The following RCAN2 variants were observed in gnomAD, a reference collection of about 807,000 sequenced individuals.
RCAN2 encodes calcipressin-2.
Under a neutral mutation model 23.6 loss-of-function variants are expected in RCAN2, and 9 were observed. The observed-to-expected ratio is 0.38, with a 90% CI of 0.23 to 0.67. The LOEUF is 0.67. Among genes scored for constraint, RCAN2 ranks in the 30% least tolerant of loss-of-function variants. The probability of loss-of-function intolerance (pLI) is 0.51; values close to 1 mark genes in which losing one functional copy is unlikely to be tolerated. For missense variants in RCAN2, 273 were observed against 302.3 expected (o/e 0.90, Z 0.72); for synonymous variants, 109 against 115.7 (o/e 0.94, Z 0.37).
chr6:46,454,055 A>G lies in RCAN2; in HGVS notation c.225+2697T>C, dbSNP rs559806877. ...CATGGCCAGCCTTGCCCATAGGCCA[A>G]TACAAGGAGTGCTGGAAATGCTTTT... On this transcript the variant is annotated intron_variant, in intron 2 of 4. Coordinates refer to ENST00000371374, the MANE Select transcript of RCAN2 (RefSeq NM_001251974.2). Among the ~76,000 whole-genome samples the G allele has an allele frequency of 7.0e-4, 106 of 152,312 alleles. 1 individual carries two copies. The highest frequency in any genetic ancestry group is 2.0e-3 in the African/African-American group (84 of 41,574).
chr6:46,246,889 GT>G lies in RCAN2; in HGVS notation c.429del (p.Lys143AsnfsTer46). The G allele has an allele frequency of 6.3e-7, 1 of 1,597,272 alleles. No homozygotes were observed. Among genetic ancestry groups the G allele is most frequent in the Non-Finnish European group, 8.5e-7 (1 of 1,170,262 alleles). On this transcript the variant is annotated frameshift_variant, in exon 4 of 5. Coordinates refer to ENST00000371374, the MANE Select transcript of RCAN2 (RefSeq NM_001251974.2). LOFTEE classifies it high-confidence loss of function. ...GCAGGCTGGGGTGGAGCCAAGTGCA[GT>G]TTGTCTCCATCTGTCTCTGGAGTCT... ...QVQTPETDGD[K>X]LHLAPPQPAK...
chr6:46,349,833 A>G (rs1248152880), intron 2 of RCAN2, among the ~76,000 whole-genome samples: 1 of 152,188 alleles, frequency 6.6e-6, no homozygotes, highest in African/African-American at 2.4e-5. Flanking sequence ...AATACAGTCT[A>G]ATTCCACACA....
At chr6:46,471,284 GA>G (rs1768552689) in intron 1 of RCAN2, among the ~76,000 whole-genome samples, 1 of 152,186 alleles carries the variant, frequency 6.6e-6, no homozygotes, top group Non-Finnish European at 1.5e-5. Flanking sequence ...GTTATCTGGA[GA>G]ATAGAGCAAT....
intron 1 of RCAN2, among the ~76,000 whole-genome samples, chr6:46,472,170 T>C (rs12191660): frequency 0.51 from 77,410 of 152,074 alleles, 21,547 homozygotes; most frequent in Non-Finnish European, 0.63. Context: ...TCCTGTACTT[T>C]ACATCAAGTA....
chr6:46,331,425 C>A (rs6923732), intron 2 of RCAN2, among the ~76,000 whole-genome samples: 5,148 of 152,170 alleles, frequency 0.034, 268 homozygotes, highest in African/African-American at 0.11. Flanking sequence ...TGATGGTTAA[C>A]CATATTAAAC....
intron 2 of RCAN2, among the ~76,000 whole-genome samples, chr6:46,351,233 A>G (rs965603524): frequency 1.3e-5 from 2 of 152,194 alleles, no homozygotes; most frequent in Admixed American, 1.3e-4. Flanking sequence ...TTTGCTAGCT[A>G]TTGTCAAGTA....
intron 2 of RCAN2, among the ~76,000 whole-genome samples, chr6:46,326,238 C>T (rs183946478): frequency 3.9e-5 from 6 of 152,292 alleles, no homozygotes; most frequent in Non-Finnish European, 8.8e-5. Flanking sequence ...AGACCAGTAA[C>T]GCTAAGAGCA....
At chr6:46,246,223 T>A (rs1190918755) in intron 4 of RCAN2, among the ~76,000 whole-genome samples, 1 of 152,154 alleles carries the variant, frequency 6.6e-6, no homozygotes, top group Non-Finnish European at 1.5e-5. Flanking sequence ...TATGCCAACA[T>A]CAGAACAAAG....
intron 2 of RCAN2, among the ~76,000 whole-genome samples, chr6:46,269,767 C>A (rs182689647): frequency 1.3e-5 from 2 of 152,048 alleles, no homozygotes; most frequent in African/African-American, 4.8e-5. Flanking sequence ...CCTGAGGGAC[C>A]CAGGATTGGG....
In RCAN2 at chr6:46,263,539, ATG is replaced by A. The variant is rs59953064; in HGVS notation, c.226-14645_226-14644del. Among the ~76,000 whole-genome samples, 45 of 82,452 alleles carry A rather than the reference ATG, an allele frequency of 5.5e-4. No individual in the cohort carries two copies. The South Asian group carries it at 6.1e-3, about 11-fold the overall frequency. 54.1% of individuals were successfully genotyped at this position (82,452 alleles called of 152,430 possible). Reference sequence around the variant, plus strand: ...TGTGTGTATGTGTGTGTGTGTGTGTATGTGTGTGTGTGTGTGTGTGTATGTGT... The same window carrying A: ...TGTGTGTATGTGTGTGTGTGTGTGTATGTGTGTGTGTGTGTGTGTATGTGT... On this transcript the variant is annotated intron_variant, in intron 2 of 4. Coordinates refer to ENST00000371374, the MANE Select transcript of RCAN2 (RefSeq NM_001251974.2).
At chr6:46,342,423 A>G (rs1764350363) in intron 2 of RCAN2, among the ~76,000 whole-genome samples, 1 of 151,292 alleles carries the variant, frequency 6.6e-6, no homozygotes, top group Non-Finnish European at 1.5e-5. Context: ...CTGGTGGCTC[A>G]TGCCTGTAGT....
Position 46,458,896 on chromosome 6 carries a change from C to CGCGCGCGTGTGTGT in RCAN2, c.-2-1919_-2-1918insACACACACGCGCGC, listed in dbSNP as rs57335093. On this transcript the variant is annotated intron_variant, in intron 1 of 4. Transcript: ENST00000371374. The stretch of plus-strand genomic sequence containing the variant: ...TAGTTTACAGGAAAACGCGCGCGCA[C>CGCGCGCGTGTGTGT]GTGTGTGTGTGTGTGATGGAGTTTT... Among the ~76,000 whole-genome samples, 5 of 150,134 alleles carry CGCGCGCGTGTGTGT rather than the reference C, an allele frequency of 3.3e-5. No homozygotes were observed. The South Asian group carries it at 8.5e-4, about 25-fold the overall frequency.
At chr6:46,252,486 T>A (rs972282801) in intron 2 of RCAN2, among the ~76,000 whole-genome samples, 1 of 152,218 alleles carries the variant, frequency 6.6e-6, no homozygotes, top group Non-Finnish European at 1.5e-5. Flanking sequence ...CTCTTTACAC[T>A]CTTAATAATT....
intron 2 of RCAN2, among the ~76,000 whole-genome samples, chr6:46,364,483 C>T (rs1038697463): frequency 3.3e-5 from 5 of 152,184 alleles, no homozygotes; most frequent in African/African-American, 4.8e-5. Flanking sequence ...TTCTCCAATA[C>T]TACCTAGCCT....
intron 2 of RCAN2, among the ~76,000 whole-genome samples, chr6:46,316,366 C>T (rs778895056): frequency 4.6e-5 from 7 of 152,072 alleles, no homozygotes; most frequent in Non-Finnish European, 7.4e-5. Context: ...TTGAGGAAAC[C>T]GAGGCACAGA....
chr6:46,480,863 A>T (rs1415840226), intron 1 of RCAN2, among the ~76,000 whole-genome samples: 1 of 152,070 alleles, frequency 6.6e-6, no homozygotes, highest in African/African-American at 2.4e-5. Flanking sequence ...ACCTCGTGAT[A>T]CGCCCGCCTC....
chr6:46,353,156 T>C (rs1271565930), intron 2 of RCAN2, among the ~76,000 whole-genome samples: 5 of 152,116 alleles, frequency 3.3e-5, no homozygotes, highest in African/African-American at 1.2e-4. Flanking sequence ...GGGTTTTTAG[T>C]ATGGTAATGA....
In RCAN2 at chr6:46,296,272, T is replaced by C. The variant is rs73452258; in HGVS notation, c.226-47376A>G. Among the ~76,000 whole-genome samples, 519 of 152,208 alleles carry C rather than the reference T, an allele frequency of 3.4e-3. 4 individuals are homozygous for C. Among genetic ancestry groups the C allele is most frequent in the African/African-American group, 0.012 (505 of 41,552 alleles). On this transcript the variant is annotated intron_variant, in intron 2 of 4. Transcript: ENST00000371374. The stretch of plus-strand genomic sequence containing the variant: ...AGAGATTGAGCCACTTTTGGAATAT[T>C]GACAATACCATGTTTCTGAGTCAAA...
At chr6:46,330,848 G>C (rs1226615478) in intron 2 of RCAN2, among the ~76,000 whole-genome samples, 1 of 152,162 alleles carries the variant, frequency 6.6e-6, no homozygotes, top group Non-Finnish European at 1.5e-5. Context: ...TCGACACAGT[G>C]TAGTTTAACA....
Sources: gnomAD v4.1 joint callset for allele counts (sites outside exome capture counted in the v4.1 genomes callset) on GRCh38, gnomAD v4.1.1 for gene constraint, MANE v1.5 for transcripts, NCBI Gene and HGNC (gene_info 2026-07-23, HGNC 2026-07-21) for gene names.